Variants in FILIP1 observed in about 807,000 individuals in gnomAD.
The protein encoded by FILIP1 is filamin-A-interacting protein 1.
In FILIP1, 61 loss-of-function variants were observed where a neutral mutation model predicts 102.1. The observed-to-expected ratio is 0.60, with a 90% confidence interval of 0.49 to 0.74. FILIP1 has a LOEUF of 0.74. Among genes scored for constraint, FILIP1 ranks in the 30% least tolerant of loss-of-function variants. The probability of loss-of-function intolerance (pLI) is 0.00; values close to 1 mark genes in which losing one functional copy is unlikely to be tolerated. For missense variants in FILIP1, 1,314 were observed against 1,441.2 expected (o/e 0.91, Z 1.43); for synonymous variants, 491 against 526.9 (o/e 0.93, Z 0.93).
rs1778628282 is a variant in FILIP1 at position 75,451,439 on chromosome 6, C to G, written c.-6-36461G>C. Among the ~76,000 whole-genome samples, 3 of 151,838 alleles carry G rather than the reference C, an allele frequency of 2.0e-5. No homozygotes were observed. The South Asian group carries it at 6.2e-4, about 32-fold the overall frequency. ...CAAAGAAGATAAACAAATTTCTACT[C>G]TAACATAAAAATATATTTAACCTCA... On this transcript the variant is annotated intron_variant, in intron 1 of 5. Coordinates refer to ENST00000237172, the MANE Select transcript of FILIP1 (RefSeq NM_015687.5).
chr6:75,423,175 G>A (rs1038319382), intron 1 of FILIP1, among the ~76,000 whole-genome samples: 85 of 152,102 alleles, frequency 5.6e-4, no homozygotes, highest in African/African-American at 1.9e-3. Flanking sequence ...AGAACTCAAC[G>A]TCTACCATTC....
At chr6:75,454,573 G>A (rs1011111913) in intron 1 of FILIP1, among the ~76,000 whole-genome samples, 2 of 152,160 alleles carry the variant, frequency 1.3e-5, no homozygotes, top group Admixed American at 6.6e-5. Flanking sequence ...ACTAAAAACA[G>A]TAATAACAAA....
chr6:75,489,149 T>G (rs1779883689), intron 1 of FILIP1, among the ~76,000 whole-genome samples: 1 of 152,144 alleles, frequency 6.6e-6, no homozygotes, highest in African/African-American at 2.4e-5. Flanking sequence ...CCAAGCACTG[T>G]GTATAAACAC....
intron 2 of FILIP1, among the ~76,000 whole-genome samples, chr6:75,404,556 C>T (rs1420747254): frequency 1.3e-5 from 2 of 152,136 alleles, no homozygotes; most frequent in Non-Finnish European, 2.9e-5. Context: ...TAAATTTCAC[C>T]CATTAGTGTT....
chr6:75,420,121 TTGGAGTCACTGCAG>T (rs1338519335), intron 1 of FILIP1, among the ~76,000 whole-genome samples: 2 of 152,152 alleles, frequency 1.3e-5, no homozygotes, highest in Non-Finnish European at 2.9e-5. Context: ...AGGGATTCTC[TTGGAGTCACTGCAG>T]TGATGTTGTC....
intron 1 of FILIP1, among the ~76,000 whole-genome samples, chr6:75,448,650 C>T (rs1374694767): frequency 6.6e-6 from 1 of 151,948 alleles, no homozygotes; most frequent in African/African-American, 2.4e-5. Flanking sequence ...ATAAACAAAA[C>T]ACCAAACAAT....
chr6:75,395,426 C>T (rs1323415584), intron 2 of FILIP1, among the ~76,000 whole-genome samples: 3 of 152,082 alleles, frequency 2.0e-5, no homozygotes, highest in African/African-American at 7.2e-5. Flanking sequence ...ATTACAGGCA[C>T]CCGCAACCAT....
chr6:75,360,658 C>A (rs1178487966), intron 3 of FILIP1: 2 of 152,192 alleles, frequency 1.3e-5, no homozygotes, highest in Non-Finnish European at 2.9e-5. Flanking sequence ...CTGTTTAATT[C>A]TTCCCCAGAT....
chr6:75,426,542 G>A (rs1777632502), intron 1 of FILIP1, among the ~76,000 whole-genome samples: 1 of 152,150 alleles, frequency 6.6e-6, no homozygotes, highest in Admixed American at 6.6e-5. Context: ...AAAGTGGAAG[G>A]TAGCTTGGAG....
chr6:75,342,360 A>G (rs1424416266), intron 4 of FILIP1, among the ~76,000 whole-genome samples: 1 of 152,244 alleles, frequency 6.6e-6, no homozygotes, highest in African/African-American at 2.4e-5. Context: ...CTCAGCACAC[A>G]TACAGATTAT....
intron 4 of FILIP1, among the ~76,000 whole-genome samples, chr6:75,347,191 G>C (rs1438133632): frequency 6.6e-6 from 1 of 152,174 alleles, no homozygotes; most frequent in African/African-American, 2.4e-5. Flanking sequence ...AAAAAACTCA[G>C]TTCAAACCCT....
chr6:75,466,237 T>G (rs1238348876), intron 1 of FILIP1, among the ~76,000 whole-genome samples: 1 of 152,208 alleles, frequency 6.6e-6, no homozygotes, highest in Admixed American at 6.5e-5. Flanking sequence ...ACCTTAACAC[T>G]TGTGATATGA....
intron 4 of FILIP1, among the ~76,000 whole-genome samples, chr6:75,317,892 G>A (rs1294625577): frequency 6.6e-6 from 1 of 152,150 alleles, no homozygotes; most frequent in African/African-American, 2.4e-5. Flanking sequence ...GCTCATTTTG[G>A]AAGGCCTGCC....
At chr6:75,353,244 A>C (rs1279105002) in intron 4 of FILIP1, among the ~76,000 whole-genome samples, 1 of 152,190 alleles carries the variant, frequency 6.6e-6, no homozygotes, top group Non-Finnish European at 1.5e-5. Context: ...ACATGATAAA[A>C]AAATAAAAAA....
chr6:75,381,532 A>AT (rs57691607), intron 2 of FILIP1, among the ~76,000 whole-genome samples: 2 of 151,802 alleles, frequency 1.3e-5, no homozygotes, highest in African/African-American at 2.4e-5. Flanking sequence ...CTGGCCTACA[A>AT]TTTTTTTTGA....
At chr6:75,305,124 A>G (rs1021530788), downstream of FILIP1, among the ~76,000 whole-genome samples, 3 of 152,212 alleles carry the variant, frequency 2.0e-5, no homozygotes, top group Non-Finnish European at 2.9e-5. Flanking sequence ...AGAGACAGAA[A>G]GGAAACATTA....
chr6:75,314,245 G>T lies in FILIP1; in HGVS notation c.1587C>A (p.Leu529=). The change falls in exon 5 of 6, where the codon CTC becomes CTA. Residue 529 remains leucine (L), a synonymous_variant. Coordinates refer to ENST00000237172, the MANE Select transcript of FILIP1 (RefSeq NM_015687.5). ...IKQEERKVDG[L]NKNFKVEQGK... ...CTTGTTCCACCTTAAAATTTTTATT[G>T]AGTCCATCCACTTTTCTCTCTTCTT... 3 of 1,558,218 alleles carry T rather than the reference G, an allele frequency of 1.9e-6. No individual in the cohort carries two copies. Among genetic ancestry groups the T allele is most frequent in the Non-Finnish European group, 2.6e-6 (3 of 1,163,020 alleles).
At chr6:75,456,284 C>T (rs1429412081) in intron 1 of FILIP1, among the ~76,000 whole-genome samples, 1 of 152,128 alleles carries the variant, frequency 6.6e-6, no homozygotes, top group African/African-American at 2.4e-5. Flanking sequence ...ACCCCAACAA[C>T]AAAGATTTAT....
intron 1 of FILIP1, among the ~76,000 whole-genome samples, chr6:75,456,051 C>T (rs1404536102): frequency 6.6e-6 from 1 of 152,170 alleles, no homozygotes; most frequent in Non-Finnish European, 1.5e-5. Flanking sequence ...CTTGCAAAAT[C>T]TCACACATCC....
Sources: allele counts gnomAD v4.1 joint callset (sites outside exome capture counted in the v4.1 genomes callset), GRCh38; gene constraint gnomAD v4.1.1; transcripts MANE v1.5; gene names NCBI Gene and HGNC (gene_info 2026-07-23, HGNC 2026-07-21).